Variants in TSACC observed in about 807,000 individuals in gnomAD.
The protein encoded by TSACC is TSSK6 activating cochaperone.
In TSACC, 3 loss-of-function variants were observed where a neutral mutation model predicts 6.9. The ratio of observed to expected loss-of-function variants is 0.43; its 90% confidence interval spans 0.20 to 1.12. TSACC has a LOEUF of 1.12. Ranked by LOEUF, TSACC falls within the 50% of genes most tolerant of loss-of-function variation. The pLI, the probability that TSACC is intolerant of heterozygous loss-of-function variation, is 0.28. For missense variants in TSACC, 137 were observed against 143.9 expected (o/e 0.95, Z 0.24); for synonymous variants, 54 against 55.1 (o/e 0.98, Z 0.09).
chr1:156,337,377 C>A, upstream of TSACC: 1 of 189,190 alleles, frequency 5.3e-6, no homozygotes. Context: ...CACTGCAACC[C>A]AGCCTGGGTG....
chr1:156,344,056 A>G (rs982414001), intron 2 of TSACC, among the ~76,000 whole-genome samples: 2 of 152,090 alleles, frequency 1.3e-5, no homozygotes, highest in African/African-American at 4.8e-5. Flanking sequence ...CAAGTTTTTA[A>G]GGTTCAGTAA....
Sources: gnomAD v4.1 joint callset for allele counts (sites outside exome capture counted in the v4.1 genomes callset) on GRCh38, gnomAD v4.1.1 for gene constraint, MANE v1.5 for transcripts, NCBI Gene and HGNC (gene_info 2026-07-23, HGNC 2026-07-21) for gene names.